The following SLC24A2 variants were observed in gnomAD, a reference collection of about 807,000 sequenced individuals.
SLC24A2 encodes sodium/potassium/calcium exchanger 2.
SLC24A2 carries 36 observed loss-of-function variants against 62.0 expected under a neutral mutation model. That is an observed-to-expected ratio of 0.58 (90% CI 0.44 to 0.77). The LOEUF (loss-of-function observed/expected upper bound fraction) is 0.77. Ranked by LOEUF, SLC24A2 falls within the 30% of genes least tolerant of loss-of-function variation. SLC24A2 has a pLI of 0.00. For missense variants in SLC24A2, 846 were observed against 817.9 expected, an observed-to-expected ratio of 1.03 and a Z score of -0.42; for synonymous variants, 358 against 294.0, an observed-to-expected ratio of 1.22 and a Z score of -2.23.
chr9:19,787,633 G>C (rs570989184), intron 1 of SLC24A2, among the ~76,000 whole-genome samples: 6 of 152,218 alleles, frequency 3.9e-5, no homozygotes, highest in African/African-American at 1.4e-4. Flanking sequence ...ATGCGGGAAA[G>C]TAGTCCTTTA....
the SLC24A2 span, among the ~76,000 whole-genome samples, chr9:19,921,299 G>A: frequency 3.4e-4 from 52 of 152,044 alleles, no homozygotes; most frequent in Non-Finnish European, 5.4e-4. Context: ...CGAGGTGGGC[G>A]GATCATGAGG....
chr9:20,164,295 AAAC>A, the SLC24A2 span, among the ~76,000 whole-genome samples: 1 of 151,960 alleles, frequency 6.6e-6, no homozygotes, highest in Non-Finnish European at 1.5e-5. Flanking sequence ...AGAAAAAAAC[AAAC>A]AACCCCATCA....
intron 2 of SLC24A2, among the ~76,000 whole-genome samples, chr9:19,637,295 G>C (rs1818382755): frequency 6.6e-6 from 1 of 152,206 alleles, no homozygotes; most frequent in East Asian, 1.9e-4. Flanking sequence ...CTATTCAGTG[G>C]GCAGAGACTG....
At chr9:19,589,682 G>C (rs998559113) in intron 5 of SLC24A2, among the ~76,000 whole-genome samples, 1 of 151,848 alleles carries the variant, frequency 6.6e-6, no homozygotes, top group South Asian at 2.1e-4. Flanking sequence ...TAAAGACTTT[G>C]GATATGAACT....
the SLC24A2 span, among the ~76,000 whole-genome samples, chr9:20,156,943 T>G: frequency 6.6e-6 from 1 of 151,750 alleles, no homozygotes; most frequent in African/African-American, 2.4e-5. Flanking sequence ...TGTAATTGGT[T>G]TTCCAATTAA....
intron 2 of SLC24A2, among the ~76,000 whole-genome samples, chr9:19,711,289 T>A (rs776752626): frequency 3.3e-5 from 5 of 152,234 alleles, no homozygotes; most frequent in Non-Finnish European, 7.3e-5. Flanking sequence ...TTGTATGTGC[T>A]TGGATTTTCT....
chr9:19,834,451 G>A, the SLC24A2 span, among the ~76,000 whole-genome samples: 142 of 152,272 alleles, frequency 9.3e-4, no homozygotes, highest in African/African-American at 3.1e-3. Context: ...TAACCGATGC[G>A]ATCAACTGGA....
the SLC24A2 span, among the ~76,000 whole-genome samples, chr9:19,859,398 A>G: frequency 6.6e-6 from 1 of 152,150 alleles, no homozygotes; most frequent in South Asian, 2.1e-4. Flanking sequence ...ATTGAGCACT[A>G]TGCTTATTAC....
At chr9:19,785,341 A>G (rs929932882) in intron 2 of SLC24A2, among the ~76,000 whole-genome samples, 2 of 151,840 alleles carry the variant, frequency 1.3e-5, no homozygotes, top group East Asian at 1.9e-4. Flanking sequence ...GGGCTGGCCA[A>G]TGATTCTCTT....
intron 8 of SLC24A2, 63 bp downstream of exon 8, chr9:19,550,074 C>T (rs1358074542): frequency 1.3e-6 from 2 of 1,542,684 alleles, no homozygotes; most frequent in Middle Eastern, 1.7e-4. Context: ...CTGAAGCAGA[C>T]TATGCACCCT....
chr9:19,901,964 C>T, the SLC24A2 span, among the ~76,000 whole-genome samples: 9 of 152,248 alleles, frequency 5.9e-5, no homozygotes, highest in Admixed American at 2.6e-4. Flanking sequence ...CTTGAGGCCC[C>T]GTGCTTGCTG....
chr9:20,183,674 G>C, the SLC24A2 span, among the ~76,000 whole-genome samples: 1 of 152,202 alleles, frequency 6.6e-6, no homozygotes, highest in South Asian at 2.1e-4. Flanking sequence ...TTTTAGATGA[G>C]CAGAGGATGG....
At chr9:19,785,010 T>C (rs989770687) in intron 2 of SLC24A2, among the ~76,000 whole-genome samples, 12 of 152,236 alleles carry the variant, frequency 7.9e-5, no homozygotes, top group African/African-American at 2.9e-4. Flanking sequence ...GATGCTGGCA[T>C]GAAAAGTCTA....
At chr9:20,092,708 A>C in the SLC24A2 span, among the ~76,000 whole-genome samples, 1 of 152,212 alleles carries the variant, frequency 6.6e-6, no homozygotes, top group Non-Finnish European at 1.5e-5. Context: ...ATTCATCACC[A>C]CCCATAGTTA....
At chr9:19,694,445 C>G (rs1404326371) in intron 2 of SLC24A2, among the ~76,000 whole-genome samples, 1 of 151,876 alleles carries the variant, frequency 6.6e-6, no homozygotes, top group Non-Finnish European at 1.5e-5. Context: ...TTCTAAAATT[C>G]TATCGAGGAC....
the SLC24A2 span, among the ~76,000 whole-genome samples, chr9:19,820,474 C>T: frequency 5.9e-3 from 887 of 151,072 alleles, 4 homozygotes; most frequent in Non-Finnish European, 9.7e-3. Flanking sequence ...TAAAAAAGAA[C>T]TTACTCATGT....
intron 2 of SLC24A2, among the ~76,000 whole-genome samples, chr9:19,771,549 A>C (rs1822689123): frequency 6.6e-6 from 1 of 152,178 alleles, no homozygotes; most frequent in African/African-American, 2.4e-5. Flanking sequence ...TATTTAAATA[A>C]ATCTGCCTCT....
At chr9:19,933,469 T>C in the SLC24A2 span, among the ~76,000 whole-genome samples, 1 of 145,872 alleles carries the variant, frequency 6.9e-6, no homozygotes, top group African/African-American at 2.6e-5. Context: ...CTTAGTTCCA[T>C]TCATTCATTC....
intron 8 of SLC24A2, among the ~76,000 whole-genome samples, chr9:19,529,133 T>A (rs1833574438): frequency 6.6e-6 from 1 of 151,854 alleles, no homozygotes; most frequent in Non-Finnish European, 1.5e-5. Context: ...TGCCAAACAC[T>A]TTATTTGAAA....
Sources: gnomAD v4.1 joint callset for allele counts (sites outside exome capture counted in the v4.1 genomes callset) on GRCh38, gnomAD v4.1.1 for gene constraint, MANE v1.5 for transcripts, NCBI Gene and HGNC (gene_info 2026-07-23, HGNC 2026-07-21) for gene names.